Variants in RASGRP3 observed in about 807,000 individuals in gnomAD.
The protein encoded by RASGRP3 is ras guanyl-releasing protein 3.
In RASGRP3, 54 loss-of-function variants were observed where a neutral mutation model predicts 82.7. That is an observed-to-expected ratio of 0.65 (90% CI 0.52 to 0.82). The LOEUF (loss-of-function observed/expected upper bound fraction) is 0.82. Among genes scored for constraint, RASGRP3 ranks in the 40% least tolerant of loss-of-function variants. The probability of loss-of-function intolerance (pLI) is 0.00; values close to 1 mark genes in which losing one functional copy is unlikely to be tolerated. For missense variants in RASGRP3, 861 were observed against 828.9 expected (o/e 1.04, Z -0.48); for synonymous variants, 309 against 300.5 (o/e 1.03, Z -0.29).
intron 2 of RASGRP3, among the ~76,000 whole-genome samples, chr2:33,512,460 CT>C (rs1430159810): frequency 3.3e-5 from 5 of 152,156 alleles, no homozygotes. Context: ...TCAATCTTGA[CT>C]TTTAAGGGTA....
intron 17 of RASGRP3, 146 bp downstream of exon 17, chr2:33,559,176 C>A: frequency 1.5e-6 from 1 of 664,658 alleles, no homozygotes; most frequent in Non-Finnish European, 2.5e-6. Context: ...TTTAGTCTTG[C>A]CACTGCCTAG....
chr2:33,548,590 G>A (rs1048383919), intron 13 of RASGRP3, among the ~76,000 whole-genome samples: 1 of 152,058 alleles, frequency 6.6e-6, no homozygotes, highest in Non-Finnish European at 1.5e-5. Context: ...CCCAAGAGAG[G>A]ACATAGGAGG....
chr2:33,444,465 A>T (rs899021718), intron 1 of RASGRP3, among the ~76,000 whole-genome samples: 1 of 152,154 alleles, frequency 6.6e-6, no homozygotes, highest in Non-Finnish European at 1.5e-5. Flanking sequence ...GCATGTCTCA[A>T]CTCAGACTAG....
chr2:33,528,463 A>G lies in RASGRP3; in HGVS notation c.1083+1051A>G, dbSNP rs868275238. 3.3e-5 allele frequency among the ~76,000 whole-genome samples: 5 copies of G among 152,006 alleles called. No homozygotes were observed. In the South Asian group the frequency reaches 1.0e-3, roughly 32 times the overall value. On this transcript the variant is annotated intron_variant, in intron 10 of 17. Transcript: ENST00000403687. ...GGGAAGAAGAGGCATAACAAAATTC[A>G]CTCACCCTTCCTTAAACAAAAGTAG...
At chr2:33,510,091 G>A (rs1249899227) in intron 1 of RASGRP3, among the ~76,000 whole-genome samples, 2 of 152,212 alleles carry the variant, frequency 1.3e-5, no homozygotes, top group Non-Finnish European at 2.9e-5. Flanking sequence ...TGAAGGATTA[G>A]TCATTTAGAG....
intron 1 of RASGRP3, among the ~76,000 whole-genome samples, chr2:33,486,987 A>G (rs1395779357): frequency 1.3e-5 from 2 of 152,220 alleles, no homozygotes; most frequent in African/African-American, 4.8e-5. Flanking sequence ...GACAAAATAA[A>G]TGATAATTAA....
chr2:33,559,533 A>G (rs771996048), intron 17 of RASGRP3: 1 of 496,896 alleles, frequency 2.0e-6, no homozygotes, highest in Non-Finnish European at 4.0e-6. Flanking sequence ...GAGGATCTCT[A>G]AACCAGGCTC....
At chr2:33,537,347 T>C (rs561773246) in intron 11 of RASGRP3, among the ~76,000 whole-genome samples, 125 of 103,708 alleles carry the variant, frequency 1.2e-3, no homozygotes, top group Non-Finnish European at 2.0e-3. Flanking sequence ...CACACACAAG[T>C]ATATATATCT....
intron 17 of RASGRP3, among the ~76,000 whole-genome samples, chr2:33,561,878 G>T (rs759661683): frequency 6.6e-6 from 1 of 152,168 alleles, no homozygotes; most frequent in Non-Finnish European, 1.5e-5. Context: ...AACAGTTCAA[G>T]ATTACTCTCT....
intron 14 of RASGRP3, among the ~76,000 whole-genome samples, chr2:33,552,027 A>AAACAAACAAAC (rs1553364878): frequency 1.6e-4 from 10 of 64,188 alleles, no homozygotes; most frequent in African/African-American, 6.3e-4. Flanking sequence ...ACAAACAAAC[A>AAACAAACAAAC]GAGAAACAAA....
At chr2:33,529,915 C>T (rs936721248) in intron 10 of RASGRP3, among the ~76,000 whole-genome samples, 9 of 152,164 alleles carry the variant, frequency 5.9e-5, no homozygotes, top group Non-Finnish European at 1.3e-4. Context: ...ATAGCACAAT[C>T]CTGTGTATGA....
intron 1 of RASGRP3, among the ~76,000 whole-genome samples, chr2:33,497,498 A>T (rs17013156): frequency 0.039 from 5,973 of 152,276 alleles, 275 homozygotes; most frequent in East Asian, 0.15. Context: ...CTGGTGGAAA[A>T]GTTTTTGTGT....
chr2:33,522,147 G>T (rs1284520132), intron 7 of RASGRP3, 45 bp downstream of exon 7: 1 of 1,562,958 alleles, frequency 6.4e-7, no homozygotes, highest in Admixed American at 1.9e-5. Flanking sequence ...CAACCACCAT[G>T]CCAACTTTCC....
chr2:33,531,747 T>C (rs887773857), intron 10 of RASGRP3: 4 of 152,238 alleles, frequency 2.6e-5, no homozygotes, highest in African/African-American at 9.6e-5. Flanking sequence ...CAGTTATCCA[T>C]TTGACACATG....
upstream of RASGRP3, among the ~76,000 whole-genome samples, chr2:33,474,346 TTTA>T (rs1176962604): frequency 1.3e-5 from 2 of 152,242 alleles, no homozygotes; most frequent in Non-Finnish European, 1.5e-5. Context: ...TATTTATTTG[TTTA>T]TTTTAAGACA....
chr2:33,562,625 T>G, intron 17 of RASGRP3, 104 bp from the exon 18 acceptor site: 6 of 1,293,272 alleles, frequency 4.6e-6, no homozygotes, highest in Non-Finnish European at 6.6e-6. Context: ...GTACTGATCA[T>G]TTCAGATGTT....
intron 4 of RASGRP3, among the ~76,000 whole-genome samples, chr2:33,519,298 T>C (rs1164910015): frequency 1.3e-5 from 2 of 152,224 alleles, no homozygotes; most frequent in African/African-American, 4.8e-5. Context: ...GCATTAATCC[T>C]AAATACAAAA....
chr2:33,482,444 T>C (rs957940986), intron 1 of RASGRP3: 5 of 152,240 alleles, frequency 3.3e-5, no homozygotes, highest in African/African-American at 9.6e-5. Flanking sequence ...TTTGGTTGTT[T>C]CCTGAGGTAT....
rs1167417164 is a variant in RASGRP3, at chr2:33,564,224, G to A, written c.*1487G>A. On this transcript the variant is annotated 3_prime_UTR_variant, in exon 18 of 18. Coordinates refer to ENST00000403687, the MANE Select transcript of RASGRP3 (RefSeq NM_001139488.2). ...TAGCCCTTGGGAGCTGACAGCCCAT[G>A]GGCATTAAGGCAAAGTAGTTCCAGT... 1 of 152,192 alleles carries A rather than the reference G, an allele frequency of 6.6e-6. No individual in the cohort carries two copies. The highest frequency in any genetic ancestry group is 1.5e-5 in the Non-Finnish European group (1 of 68,042). The allele number at this position is 152,192 out of a possible 1,614,324, so 9.4% of individuals were successfully genotyped here. A position where few individuals can be genotyped will look rare whatever the true frequency, so the allele number is the denominator to read the frequency against.
Sources: allele counts gnomAD v4.1 joint callset (sites outside exome capture counted in the v4.1 genomes callset), GRCh38; gene constraint gnomAD v4.1.1; transcripts MANE v1.5; gene names NCBI Gene and HGNC (gene_info 2026-07-23, HGNC 2026-07-21).